The following BMAL1 variants were observed in gnomAD, a reference collection of about 807,000 sequenced individuals.
BMAL1 encodes the protein basic helix-loop-helix ARNT-like protein 1.
the BMAL1 span, chr11:13,385,931 T>C: frequency 8.6e-6 from 6 of 696,480 alleles, no homozygotes; most frequent in Admixed American, 3.0e-5. Flanking sequence ...TTAAAATTTG[T>C]TTAAATCTCT....
chr11:13,310,300 A>G, the BMAL1 span, among the ~76,000 whole-genome samples: 1 of 152,280 alleles, frequency 6.6e-6, no homozygotes, highest in Non-Finnish European at 1.5e-5. Flanking sequence ...GGATGGATGC[A>G]GCGGGCCTTA....
At chr11:13,380,283 C>T in the BMAL1 span, 1 of 152,312 alleles carries the variant, frequency 6.6e-6, no homozygotes, top group East Asian at 1.9e-4. Context: ...CTTGTTCACT[C>T]ATAAATCTAG....
chr11:13,340,553 A>G, the BMAL1 span, among the ~76,000 whole-genome samples: 4 of 152,242 alleles, frequency 2.6e-5, no homozygotes, highest in African/African-American at 7.2e-5. Flanking sequence ...GGAGTCCTCA[A>G]TGCTTCCTGC....
At chr11:13,296,048 A>C in the BMAL1 span, among the ~76,000 whole-genome samples, 3 of 152,098 alleles carry the variant, frequency 2.0e-5, no homozygotes, top group African/African-American at 7.2e-5. Flanking sequence ...TTGGCTGTGG[A>C]CTACCCAGAG....
At chr11:13,283,772 C>G in the BMAL1 span, among the ~76,000 whole-genome samples, 4 of 152,148 alleles carry the variant, frequency 2.6e-5, no homozygotes, top group African/African-American at 9.7e-5. Context: ...ACCTGAGCAG[C>G]AGCTCCAGGG....
chr11:13,316,741 A>T, the BMAL1 span, among the ~76,000 whole-genome samples: 15 of 152,352 alleles, frequency 9.8e-5, no homozygotes, highest in African/African-American at 3.1e-4. Flanking sequence ...TAAAAATTTT[A>T]AAATGGCTTC....
the BMAL1 span, among the ~76,000 whole-genome samples, chr11:13,343,679 G>T: frequency 1.3e-5 from 2 of 152,204 alleles, no homozygotes; most frequent in Non-Finnish European, 2.9e-5. Context: ...TCAGCAAACT[G>T]AGTGCCTTTA....
chr11:13,373,377 AGCCTCAGCTGTCTTGTG>A, the BMAL1 span, among the ~76,000 whole-genome samples: 2 of 152,224 alleles, frequency 1.3e-5, no homozygotes. Context: ...AAAAAGAGAC[AGCCTCAGCTGTCTTGTG>A]GCCTCAGCTG....
the BMAL1 span, among the ~76,000 whole-genome samples, chr11:13,326,681 T>C: frequency 6.6e-6 from 1 of 150,730 alleles, no homozygotes; most frequent in East Asian, 2.0e-4. Context: ...ATTTAGAAGA[T>C]AAAGATAATA....
At chr11:13,292,310 C>T in the BMAL1 span, among the ~76,000 whole-genome samples, 71 of 151,508 alleles carry the variant, frequency 4.7e-4, no homozygotes, top group East Asian at 1.2e-3. Context: ...TTTGGGAGGT[C>T]GAGGCAGGCA....
chr11:13,320,202 T>C, the BMAL1 span, among the ~76,000 whole-genome samples: 1 of 152,222 alleles, frequency 6.6e-6, no homozygotes, highest in African/African-American at 2.4e-5. Flanking sequence ...ACAGGTCAGC[T>C]TACCACCTGC....
the BMAL1 span, chr11:13,369,918 T>C: frequency 5.2e-6 from 5 of 962,270 alleles, no homozygotes; most frequent in Non-Finnish European, 6.0e-6. Context: ...CCTCCCTATG[T>C]GTAGGGCAGT....
At chr11:13,330,960 G>C in the BMAL1 span, among the ~76,000 whole-genome samples, 1 of 152,192 alleles carries the variant, frequency 6.6e-6, no homozygotes, top group African/African-American at 2.4e-5. Flanking sequence ...GGCCTTCAGA[G>C]AGACACTAGT....
At chr11:13,316,214 A>AG in the BMAL1 span, among the ~76,000 whole-genome samples, 34 of 152,204 alleles carry the variant, frequency 2.2e-4, no homozygotes, top group African/African-American at 7.7e-4. Context: ...TTTCTGTGGC[A>AG]GAGCAATACT....
chr11:13,359,080 T>C, the BMAL1 span, among the ~76,000 whole-genome samples: 1 of 152,236 alleles, frequency 6.6e-6, no homozygotes, highest in Non-Finnish European at 1.5e-5. Flanking sequence ...ACTGAAGATA[T>C]TTTCATCTTC....
At chr11:13,369,849 C>G in the BMAL1 span, 1 of 1,533,630 alleles carries the variant, frequency 6.5e-7, no homozygotes, top group African/African-American at 1.4e-5. Flanking sequence ...GGCGTTGGTT[C>G]CATGGTTTCT....
chr11:13,369,559 C>T, the BMAL1 span: 10 of 1,597,078 alleles, frequency 6.3e-6, no homozygotes, highest in Non-Finnish European at 8.5e-6. Flanking sequence ...AGGTCACACT[C>T]CCCCTCCTGA....
At chr11:13,381,851 A>T in the BMAL1 span, among the ~76,000 whole-genome samples, 1 of 152,188 alleles carries the variant, frequency 6.6e-6, no homozygotes, top group African/African-American at 2.4e-5. Flanking sequence ...TTGCTGGAGA[A>T]CTTATAAGCC....
the BMAL1 span, among the ~76,000 whole-genome samples, chr11:13,279,175 G>T: frequency 2.6e-5 from 4 of 152,134 alleles, no homozygotes; most frequent in Non-Finnish European, 4.4e-5. Flanking sequence ...TTCTTCCACC[G>T]CTACTCCTCA....
Sources: gnomAD v4.1 joint callset for allele counts (sites outside exome capture counted in the v4.1 genomes callset) on GRCh38, gnomAD v4.1.1 for gene constraint, MANE v1.5 for transcripts, NCBI Gene and HGNC (gene_info 2026-07-23, HGNC 2026-07-21) for gene names.